Variants in DGKI observed in about 807,000 individuals in gnomAD.
DGKI encodes the protein diacylglycerol kinase iota.
In DGKI, 55 loss-of-function variants were observed where a neutral mutation model predicts 147.5. The observed-to-expected ratio is 0.37, with a 90% CI of 0.30 to 0.47. DGKI has a LOEUF of 0.47. Among genes scored for constraint, DGKI ranks in the 20% least tolerant of loss-of-function variants. The probability of loss-of-function intolerance (pLI) is 1.00; values close to 1 mark genes in which losing one functional copy is unlikely to be tolerated. For synonymous variants in DGKI, 469 were observed against 477.1 expected (o/e 0.98, Z 0.22); for missense variants, 1,007 against 1,323.8 (o/e 0.76, Z 3.71).
intron 28 of DGKI, among the ~76,000 whole-genome samples, chr7:137,413,217 G>T (rs1812228159): frequency 7.0e-6 from 1 of 143,108 alleles, no homozygotes; most frequent in African/African-American, 2.6e-5. Context: ...AGTGAGCGGA[G>T]ATCGCGCCAC....
At chr7:137,788,680 A>ACC (rs1554478675) in intron 1 of DGKI, among the ~76,000 whole-genome samples, 33 of 129,710 alleles carry the variant, frequency 2.5e-4, no homozygotes, top group African/African-American at 9.7e-4. Context: ...ACACACACAC[A>ACC]CCTCCATCCC....
rs771895467 is a variant in DGKI, at chr7:137,611,358, C to G, written c.994-1749G>C. On this transcript the variant is annotated intron_variant, in intron 8 of 32. Transcript: ENST00000614521. ...TTTGAAAAATGCTCGTGCCCGGGCC[C>G]CATCAACTATTCTTTCATCTGTTTG... 5.2e-4 allele frequency among the ~76,000 whole-genome samples: 79 copies of G among 152,074 alleles called. 1 individual carries two copies. Among genetic ancestry groups the G allele is most frequent in the Non-Finnish European group, 1.0e-4 (7 of 68,006 alleles).
chr7:137,730,839 C>T (rs1228953450), intron 1 of DGKI, among the ~76,000 whole-genome samples: 2 of 152,032 alleles, frequency 1.3e-5, no homozygotes, highest in Non-Finnish European at 2.9e-5. Flanking sequence ...AAACTCTCTC[C>T]ATGTCTCAGC....
chr7:137,470,815 C>A (rs1263095577), intron 23 of DGKI, among the ~76,000 whole-genome samples: 1 of 152,128 alleles, frequency 6.6e-6, no homozygotes, highest in Admixed American at 6.6e-5. Context: ...TTACACACCT[C>A]AGACATGACC....
At chr7:137,436,733 A>G (rs963262599) in intron 28 of DGKI, among the ~76,000 whole-genome samples, 10 of 152,224 alleles carry the variant, frequency 6.6e-5, no homozygotes, top group African/African-American at 2.4e-4. Flanking sequence ...ACTTATGAAC[A>G]TGGATGTAAA....
chr7:137,702,470 T>C (rs1386412053), intron 1 of DGKI, among the ~76,000 whole-genome samples: 5 of 152,138 alleles, frequency 3.3e-5, no homozygotes, highest in Admixed American at 6.6e-5. Flanking sequence ...ACGGCAATAA[T>C]GGGCAAAATC....
rs1814640750 is a variant in DGKI, at chr7:137,465,979, T to C, written c.2541A>G (p.Pro847=). The C allele has an allele frequency of 6.2e-7, 1 of 1,614,030 alleles. No homozygotes were observed. The highest frequency in any genetic ancestry group is 1.3e-5 in the African/African-American group (1 of 74,940). Residue 847 remains proline (P), a synonymous_variant, in exon 26 of 33, where the codon CCA becomes CCG. Transcript: ENST00000614521. ...ISQDEIFILD[P]DMVVSQPAGT... ...CCGCCGGCTGTGACACCACCATATCTGGGTCCAGAATAAAAATCTCATCTT... is the reference window on the plus strand; with the variant it reads ...CCGCCGGCTGTGACACCACCATATCCGGGTCCAGAATAAAAATCTCATCTT...
At chr7:137,719,706 G>A (rs1794487859) in intron 1 of DGKI, among the ~76,000 whole-genome samples, 1 of 152,128 alleles carries the variant, frequency 6.6e-6, no homozygotes, top group African/African-American at 2.4e-5. Context: ...ACAGGAGTAA[G>A]GAGAAATAAG....
intron 16 of DGKI, among the ~76,000 whole-genome samples, chr7:137,577,993 A>G (rs1254435017): frequency 6.6e-6 from 1 of 152,174 alleles, no homozygotes; most frequent in Non-Finnish European, 1.5e-5. Flanking sequence ...TGTTTCTCAC[A>G]TCCCTTTTTG....
intron 1 of DGKI, among the ~76,000 whole-genome samples, chr7:137,839,398 A>T (rs1469241567): frequency 6.6e-6 from 1 of 152,212 alleles, no homozygotes; most frequent in African/African-American, 2.4e-5. Flanking sequence ...ACATTTGATG[A>T]TGTTCTGTAT....
At chr7:137,528,894 A>G (rs1030706258) in intron 20 of DGKI, among the ~76,000 whole-genome samples, 2 of 152,170 alleles carry the variant, frequency 1.3e-5, no homozygotes, top group Admixed American at 1.3e-4. Flanking sequence ...TTATTAGCCC[A>G]TCTACCACCA....
intron 20 of DGKI, among the ~76,000 whole-genome samples, chr7:137,548,061 C>T (rs2128964291): frequency 6.6e-6 from 1 of 152,244 alleles, no homozygotes; most frequent in South Asian, 2.1e-4. Flanking sequence ...CTAAGGAACA[C>T]AGGCTTGGGA....
chr7:137,641,146 T>C lies in DGKI; in HGVS notation c.804+4326A>G, dbSNP rs1157208345. On this transcript the variant is annotated intron_variant, in intron 6 of 32. Transcript: ENST00000614521. ...AAAATGGGAGTTTCCCTGCACAAGC[T>C]CTCTCTTTGCCTGTCACCATCCACA... Among the ~76,000 whole-genome samples, 3 of 152,056 alleles carry C rather than the reference T, an allele frequency of 2.0e-5. No homozygotes were observed. The East Asian group carries it at 5.8e-4, about 29-fold the overall frequency.
rs146877730 is a variant in DGKI, at chr7:137,724,351, TTA to T, written c.402-34351_402-34350del. Among the ~76,000 whole-genome samples the T allele has an allele frequency of 1.8e-4, 27 of 152,312 alleles. No individual in the cohort carries two copies. The East Asian group carries it at 5.0e-3, about 28-fold the overall frequency. On this transcript the variant is annotated intron_variant, in intron 1 of 32. Coordinates refer to ENST00000614521, the MANE Select transcript of DGKI (RefSeq NM_001321708.2). ...GAGCCAGGAAATGATATGAACATCT[TTA>T]TGTTTTCAAGGGTCACATTCGCTGG...
Position 137,466,884 on chromosome 7 carries a change from G to A in DGKI, c.2484+18C>T. 6.2e-7 allele frequency: 1 copy of A among 1,613,670 alleles called. No homozygotes were observed. The highest frequency in any genetic ancestry group is 8.5e-7 in the Non-Finnish European group (1 of 1,179,658). ...TGGGAATTTTTCACTTTCACAAGCAGGCTGGAAAAAAACTTACCTGAGATC... is the reference window on the plus strand; with the variant it reads ...TGGGAATTTTTCACTTTCACAAGCAAGCTGGAAAAAAACTTACCTGAGATC... On this transcript the variant is annotated intron_variant, in intron 25 of 32. Transcript: ENST00000614521.
chr7:137,505,767 A>T (rs1449758172), intron 21 of DGKI, among the ~76,000 whole-genome samples: 3 of 152,080 alleles, frequency 2.0e-5, no homozygotes, highest in East Asian at 1.9e-4. Context: ...TTAAAACCCA[A>T]CAATAAGAGA....
chr7:137,625,459 C>A (rs1232077362), intron 6 of DGKI, among the ~76,000 whole-genome samples: 4 of 150,436 alleles, frequency 2.7e-5, no homozygotes, highest in Non-Finnish European at 5.9e-5. Context: ...GACTCCATCT[C>A]AAAAAAAATA....
chr7:137,663,989 C>T (rs1223254375), intron 3 of DGKI, among the ~76,000 whole-genome samples: 2 of 152,134 alleles, frequency 1.3e-5, no homozygotes, highest in Non-Finnish European at 2.9e-5. Flanking sequence ...CCCACCGGGA[C>T]ATAGACATTC....
At chr7:137,651,003 G>GGCCT (rs1466563866) in intron 5 of DGKI, among the ~76,000 whole-genome samples, 1 of 152,154 alleles carries the variant, frequency 6.6e-6, no homozygotes, top group East Asian at 1.9e-4. Flanking sequence ...GGCAGGCAGG[G>GGCCT]GCCAGACAAT....
Sources: allele counts gnomAD v4.1 joint callset (sites outside exome capture counted in the v4.1 genomes callset), GRCh38; gene constraint gnomAD v4.1.1; transcripts MANE v1.5; gene names NCBI Gene and HGNC (gene_info 2026-07-23, HGNC 2026-07-21).